The following ARHGAP31 variants were observed in gnomAD, a reference collection of about 807,000 sequenced individuals.
ARHGAP31 encodes Rho GTPase activating protein 31.
ARHGAP31 carries 34 observed loss-of-function variants against 113.9 expected under a neutral mutation model. That is an observed-to-expected ratio of 0.30 (90% CI 0.23 to 0.40). The LOEUF (loss-of-function observed/expected upper bound fraction) is 0.40, where lower values mean the gene tolerates loss of function less well. Ranked by LOEUF, ARHGAP31 falls within the 10% of genes least tolerant of loss-of-function variation. ARHGAP31 has a pLI of 1.00. For synonymous variants in ARHGAP31, 650 were observed against 684.8 expected, an observed-to-expected ratio of 0.95 and a Z score of 0.79; for missense variants, 1,548 against 1,767.1, an observed-to-expected ratio of 0.88 and a Z score of 2.22.
At chr3:119,306,203 G>A (rs1205553077) in intron 1 of ARHGAP31, among the ~76,000 whole-genome samples, 1 of 152,146 alleles carries the variant, frequency 6.6e-6, no homozygotes, top group Non-Finnish European at 1.5e-5. Flanking sequence ...TATACTACTA[G>A]AGATACTCTT....
chr3:119,370,583 A>AAC (rs34045876), intron 3 of ARHGAP31, among the ~76,000 whole-genome samples: 1 of 151,978 alleles, frequency 6.6e-6, no homozygotes. Flanking sequence ...AACAGATCTC[A>AAC]ACACACACAC....
At chr3:119,337,439 CAA>C (rs2079965996) in intron 1 of ARHGAP31, among the ~76,000 whole-genome samples, 1 of 152,182 alleles carries the variant, frequency 6.6e-6, no homozygotes, top group Non-Finnish European at 1.5e-5. Context: ...AGCACAGACC[CAA>C]AGAGTGACCA....
intron 6 of ARHGAP31, among the ~76,000 whole-genome samples, chr3:119,390,553 A>T (rs2080494680): frequency 1.3e-5 from 2 of 152,222 alleles, no homozygotes; most frequent in African/African-American, 4.8e-5. Flanking sequence ...AAAAGTATGG[A>T]AGGTGCAGCT....
At chr3:119,382,689 G>A (rs1449282112) in intron 5 of ARHGAP31, among the ~76,000 whole-genome samples, 1 of 152,094 alleles carries the variant, frequency 6.6e-6, no homozygotes, top group East Asian at 1.9e-4. Flanking sequence ...TATTGTTTTG[G>A]GGGCTCACTG....
At chr3:119,388,872 A>G (rs2080477825) in intron 6 of ARHGAP31, among the ~76,000 whole-genome samples, 2 of 152,178 alleles carry the variant, frequency 1.3e-5, no homozygotes, top group South Asian at 4.1e-4. Context: ...ATGCCTAAGC[A>G]GGGGCCAGGC....
In ARHGAP31 at chr3:119,317,178, T is replaced by A. The variant is rs112796988; in HGVS notation, c.100+22174T>A. Among the ~76,000 whole-genome samples the A allele has an allele frequency of 4.7e-3, 626 of 133,536 alleles. 3 individuals carry two copies. Among genetic ancestry groups the A allele is most frequent in the African/African-American group, 0.017 (603 of 36,524 alleles). 87.6% of individuals were successfully genotyped at this position (133,536 alleles called of 152,430 possible). A position where few individuals can be genotyped will look rare whatever the true frequency, so the allele number is the denominator to read the frequency against. On this transcript the variant is annotated intron_variant, in intron 1 of 11. Transcript: ENST00000264245. ...ATGGTATGTCACATTTCTATTTTCT[T>A]TTTTCTTTTTTTTTTTTTGAGACGG...
chr3:119,386,697 G>A (rs778607538), intron 6 of ARHGAP31, among the ~76,000 whole-genome samples: 3 of 152,204 alleles, frequency 2.0e-5, no homozygotes, highest in Admixed American at 6.5e-5. Context: ...GGCCCCAAAT[G>A]TCGGGCTGCG....
At position 119,414,498 on chromosome 3, in the gene ARHGAP31, A is replaced by C. The variant is rs201206374; in HGVS notation, c.2569A>C (p.Lys857Gln). 350 of 1,614,080 alleles carry C rather than the reference A, an allele frequency of 2.2e-4. No homozygotes were observed. The highest frequency in any genetic ancestry group is 2.8e-4 in the Non-Finnish European group (330 of 1,180,040). ...QNSKNAASEG[K>Q]GCGFPSPTRE... ...TTCAAAGAATGCTGCTTCTGAGGGG[A>C]AAGGCTGTGGTTTTCCAAGCCCAAC... Residue 857 changes from lysine (K) to glutamine (Q), a missense_variant, in exon 12 of 12, where the codon AAA becomes CAA. Physicochemically the swap from Lys to Gln is moderately conservative, Grantham distance 53. Transcript: ENST00000264245.
intron 3 of ARHGAP31, among the ~76,000 whole-genome samples, chr3:119,368,855 G>A (rs1415921463): frequency 6.6e-6 from 1 of 152,200 alleles, no homozygotes; most frequent in Non-Finnish European, 1.5e-5. Flanking sequence ...GGCAGGACAG[G>A]AACCTGAGAC....
chr3:119,408,237 G>A (rs537852758), intron 10 of ARHGAP31, among the ~76,000 whole-genome samples: 1 of 152,310 alleles, frequency 6.6e-6, no homozygotes, highest in Non-Finnish European at 1.5e-5. Flanking sequence ...GGAATGACCT[G>A]TAGTTTTAAC....
At chr3:119,363,232 A>T (rs1160725485) in intron 1 of ARHGAP31, among the ~76,000 whole-genome samples, 1 of 152,106 alleles carries the variant, frequency 6.6e-6, no homozygotes, top group Non-Finnish European at 1.5e-5. Context: ...AGAGAGGGAG[A>T]CTTTAAGTAT....
At chr3:119,384,754 G>T (rs1030734989) in intron 6 of ARHGAP31, among the ~76,000 whole-genome samples, 1 of 152,106 alleles carries the variant, frequency 6.6e-6, no homozygotes, top group Non-Finnish European at 1.5e-5. Flanking sequence ...CCCAACACAT[G>T]AACTTTGGGG....
chr3:119,373,157 AAC>A (rs1208699997), intron 3 of ARHGAP31, among the ~76,000 whole-genome samples: 5 of 152,194 alleles, frequency 3.3e-5, no homozygotes, highest in Admixed American at 1.3e-4. Flanking sequence ...AAAATATATT[AAC>A]ACAATTAAAA....
intron 1 of ARHGAP31, among the ~76,000 whole-genome samples, chr3:119,302,375 G>T (rs2079592122): frequency 6.6e-6 from 1 of 152,232 alleles, no homozygotes; most frequent in South Asian, 2.1e-4. Flanking sequence ...ATTGGTACTA[G>T]ATTTTTTTTT....
intron 7 of ARHGAP31, among the ~76,000 whole-genome samples, chr3:119,391,421 G>A (rs1319534708): frequency 6.6e-6 from 1 of 152,072 alleles, no homozygotes; most frequent in South Asian, 2.1e-4. Flanking sequence ...TCACTAGGCT[G>A]ATAGCTCTGG....
intron 7 of ARHGAP31, among the ~76,000 whole-genome samples, chr3:119,391,802 G>A (rs1284830335): frequency 6.6e-6 from 1 of 152,136 alleles, no homozygotes; most frequent in African/African-American, 2.4e-5. Context: ...GGAGATGCCA[G>A]TCATGCTGCA....
At chr3:119,361,230 T>G (rs1456076093) in intron 1 of ARHGAP31, among the ~76,000 whole-genome samples, 1 of 152,228 alleles carries the variant, frequency 6.6e-6, no homozygotes, top group Non-Finnish European at 1.5e-5. Flanking sequence ...ACCTGGAATT[T>G]GTTAGAAAGG....
In ARHGAP31 at chr3:119,417,766, AAGG is replaced by A. The variant is rs1218709668; in HGVS notation, c.*1505_*1507del. The A allele has an allele frequency of 6.6e-6, 1 of 152,178 alleles. No homozygotes were observed. The highest frequency in any genetic ancestry group is 1.5e-5 in the Non-Finnish European group (1 of 68,052). The allele number at this position is 152,178 out of a possible 1,614,324, so 9.4% of individuals were successfully genotyped here. ...TCTTTCCTTTCCAGCTGGCGAGAGA[AAGG>A]AGAACTAATATACCTGCTGGCAGAT... On this transcript the variant is annotated 3_prime_UTR_variant, in exon 12 of 12. Transcript: ENST00000264245.
intron 11 of ARHGAP31, 86 bp downstream of exon 11, chr3:119,409,862 A>C: frequency 7.0e-7 from 1 of 1,420,488 alleles, no homozygotes; most frequent in Non-Finnish European, 9.4e-7. Context: ...AATTGAAAAA[A>C]AATTTTTTTT....
Sources: allele counts gnomAD v4.1 joint callset (sites outside exome capture counted in the v4.1 genomes callset), GRCh38; gene constraint gnomAD v4.1.1; transcripts MANE v1.5; gene names NCBI Gene and HGNC (gene_info 2026-07-23, HGNC 2026-07-21).